The following ATXN2 variants were observed in gnomAD, a reference collection of about 807,000 sequenced individuals.
ATXN2 encodes ataxin-2.
A neutral mutation model predicts 138.6 loss-of-function variants in ATXN2; 37 were observed. That is an observed-to-expected ratio of 0.27 (90% confidence interval 0.21 to 0.35). The LOEUF (loss-of-function observed/expected upper bound fraction) is 0.35, where lower values mean the gene tolerates loss of function less well. Among genes scored for constraint, ATXN2 ranks in the 10% least tolerant of loss-of-function variants. The probability of loss-of-function intolerance (pLI) is 1.00; values close to 1 mark genes in which losing one functional copy is unlikely to be tolerated. For synonymous variants in ATXN2, 549 were observed against 543.7 expected, an observed-to-expected ratio of 1.01 and a Z score of -0.13; for missense variants, 1,216 against 1,480.3, an observed-to-expected ratio of 0.82 and a Z score of 2.93.
chr12:111,479,408 A>G (rs1877053996), intron 18 of ATXN2, among the ~76,000 whole-genome samples: 2 of 150,640 alleles, frequency 1.3e-5, no homozygotes, highest in African/African-American at 4.9e-5. Context: ...AAAAAAAAAA[A>G]AAAAAAAAGA....
In ATXN2 at chr12:111,483,907, C is replaced by A. The variant is rs577628237; in HGVS notation, c.2524+1358G>T. Among the ~76,000 whole-genome samples, 14 of 152,200 alleles carry A rather than the reference C, an allele frequency of 9.2e-5. No individual in the cohort carries two copies. The East Asian group carries it at 2.7e-3, about 29-fold the overall frequency. ...AATTGATCCTCCCACCTCAGTCTCC[C>A]AAGTAGCTAGGACTACAGGAGCACA... On this transcript the variant is annotated intron_variant, in intron 18 of 24. Transcript: ENST00000673436.
At chr12:111,485,662 C>A in intron 17 of ATXN2, 51 bp downstream of exon 17, 1 of 1,599,860 alleles carries the variant, frequency 6.3e-7, no homozygotes, top group South Asian at 1.1e-5. Flanking sequence ...TGCTTGGTGT[C>A]AGATACAAAC....
At chr12:111,462,278 T>C (rs953935878) in intron 21 of ATXN2, among the ~76,000 whole-genome samples, 4 of 152,196 alleles carry the variant, frequency 2.6e-5, no homozygotes, top group Admixed American at 2.6e-4. Flanking sequence ...ATTCTAAACA[T>C]ATGATCAGTC....
In ATXN2 at chr12:111,598,154, G is replaced by C; in HGVS notation, c.251+630C>G. The C allele has an allele frequency of 1.8e-6, 2 of 1,105,466 alleles. No homozygotes were observed. The highest frequency in any genetic ancestry group is 2.2e-6 in the Non-Finnish European group (2 of 896,748). The allele number at this position is 1,105,466 out of a possible 1,614,324, so 68.5% of individuals were successfully genotyped here. A position where few individuals can be genotyped will look rare whatever the true frequency, so the allele number is the denominator to read the frequency against. ...CGCCGCCTCGGACACGAACGCAGAG[G>C]GGTGCGGGGGCCAAGGCCCACTTGT... On this transcript the variant is annotated intron_variant, in intron 1 of 24. Coordinates refer to ENST00000673436, the MANE Select transcript of ATXN2 (RefSeq NM_001372574.1). This position sits in a 1 kb window ranked among gnomAD's most constrained non-coding sequence, Gnocchi z 4.5.
chr12:111,489,664 G>A (rs1263402013), intron 14 of ATXN2, among the ~76,000 whole-genome samples: 1 of 150,824 alleles, frequency 6.6e-6, no homozygotes, highest in Non-Finnish European at 1.5e-5. Context: ...GCTCATCACT[G>A]TAATTCCAGC....
At position 111,552,540 on chromosome 12, in the gene ATXN2, T is replaced by C. The variant is rs140102631; in HGVS notation, c.421-110A>G. On this transcript the variant is annotated intron_variant, in intron 4 of 24. Coordinates refer to ENST00000673436, the MANE Select transcript of ATXN2 (RefSeq NM_001372574.1). The surrounding 1 kb of genome is among the most constrained non-coding windows in gnomAD (Gnocchi z 4.1). ...TCTTATATGCCTTTGACAAAAATAA[T>C]CTCAAGAGAATCATACCCTTTTTCC... 792 of 1,109,958 alleles carry C rather than the reference T, an allele frequency of 7.1e-4. 3 individuals are homozygous for C. In the African/African-American group the frequency reaches 9.7e-3, roughly 14 times the overall value. The allele number at this position is 1,109,958 out of a possible 1,614,324, so 68.8% of individuals were successfully genotyped here.
At chr12:111,499,771 G>A (rs1037210100) in intron 14 of ATXN2, among the ~76,000 whole-genome samples, 3 of 151,412 alleles carry the variant, frequency 2.0e-5, no homozygotes, top group Admixed American at 2.0e-4. Context: ...AAGGTGGGAG[G>A]ATTGCTTGAG....
chr12:111,507,761 T>C (rs1879252720), intron 14 of ATXN2, among the ~76,000 whole-genome samples: 1 of 152,258 alleles, frequency 6.6e-6, no homozygotes, highest in South Asian at 2.1e-4. Flanking sequence ...GGATGGTTGC[T>C]GCGTCTGTGG....
At chr12:111,513,671 A>T in intron 10 of ATXN2, 132 bp from the exon 11 acceptor site, 2 of 723,706 alleles carry the variant, frequency 2.8e-6, no homozygotes, top group Non-Finnish European at 3.9e-6. Context: ...GGTTAAAAAT[A>T]GAAAAAAAAA....
At chr12:111,486,639 A>G in intron 16 of ATXN2, 122 bp downstream of exon 16, 1 of 728,500 alleles carries the variant, frequency 1.4e-6, no homozygotes. Flanking sequence ...TGTAAAAAAA[A>G]GAAAGAAGGT....
intron 1 of ATXN2, among the ~76,000 whole-genome samples, chr12:111,568,121 C>T (rs1328895346): frequency 6.6e-6 from 1 of 151,776 alleles, no homozygotes; most frequent in African/African-American, 2.4e-5. Flanking sequence ...ATTAGCCGGG[C>T]GTGGTGGCAC....
At chr12:111,543,584 C>G (rs1412067711) in intron 5 of ATXN2, among the ~76,000 whole-genome samples, 1 of 152,096 alleles carries the variant, frequency 6.6e-6, no homozygotes, top group Non-Finnish European at 1.5e-5. Flanking sequence ...GAGGCGCACA[C>G]CAGCACACCA....
chr12:111,453,340 CT>C lies in ATXN2; in HGVS notation c.3439+336del. 1 of 1,093,462 alleles carries C rather than the reference CT, an allele frequency of 9.1e-7. No homozygotes were observed. Among genetic ancestry groups the C allele is most frequent in the East Asian group, 6.2e-5 (1 of 16,070 alleles). The allele number at this position is 1,093,462 out of a possible 1,614,324, so 67.7% of individuals were successfully genotyped here. A position where few individuals can be genotyped will look rare whatever the true frequency, so the allele number is the denominator to read the frequency against. On this transcript the variant is annotated intron_variant, in intron 24 of 24. Coordinates refer to ENST00000673436, the MANE Select transcript of ATXN2 (RefSeq NM_001372574.1). This position sits in a 1 kb window ranked among gnomAD's most constrained non-coding sequence, Gnocchi z 5.4. ...TGGTAATAACCCCCCACATGTCAGACTTTTGGGACTCAGGAAGGAAAACACT... is the reference window on the plus strand; with the variant it reads ...TGGTAATAACCCCCCACATGTCAGACTTTGGGACTCAGGAAGGAAAACACT...
intron 1 of ATXN2, among the ~76,000 whole-genome samples, chr12:111,572,731 C>A (rs1883399856): frequency 6.6e-6 from 1 of 152,126 alleles, no homozygotes. Context: ...ATATTCCTTC[C>A]CTCTGGAAGA....
At chr12:111,485,996 C>G in intron 16 of ATXN2, 131 bp from the exon 17 acceptor site, 1 of 746,982 alleles carries the variant, frequency 1.3e-6, no homozygotes, top group Non-Finnish European at 1.9e-6. Flanking sequence ...AAAACAAAAA[C>G]ACAGCACATA....
chr12:111,495,620 G>C lies in ATXN2; in HGVS notation c.1936-6840C>G, dbSNP rs530595608. Among the ~76,000 whole-genome samples, 5 of 152,210 alleles carry C rather than the reference G, an allele frequency of 3.3e-5. No individual in the cohort carries two copies. In the East Asian group the frequency reaches 7.7e-4, roughly 23 times the overall value. On this transcript the variant is annotated intron_variant, in intron 14 of 24. Coordinates refer to ENST00000673436, the MANE Select transcript of ATXN2 (RefSeq NM_001372574.1). ...GCAAACATTATTAGAGCAAAAAAGA[G>C]AAACAGACCTCAGTAACAGTCGGAA...
chr12:111,453,569 G>A lies in ATXN2; in HGVS notation c.3439+108C>T. ...CTGTGCACACTCCTGGACGGGTCTT[G>A]CTAGTTCTCAAATGCGGGGCTTGAA... On this transcript the variant is annotated intron_variant, in intron 24 of 24. Coordinates refer to ENST00000673436, the MANE Select transcript of ATXN2 (RefSeq NM_001372574.1). The surrounding 1 kb of genome is among the most constrained non-coding windows in gnomAD (Gnocchi z 5.4). 2.8e-6 allele frequency: 4 copies of A among 1,449,658 alleles called. No homozygotes were observed. Among genetic ancestry groups the A allele is most frequent in the South Asian group, 1.5e-5 (1 of 68,368 alleles). 89.8% of individuals were successfully genotyped at this position (1,449,658 alleles called of 1,614,324 possible).
At chr12:111,571,947 G>A (rs1566071811) in intron 1 of ATXN2, among the ~76,000 whole-genome samples, 1 of 150,576 alleles carries the variant, frequency 6.6e-6, no homozygotes, top group African/African-American at 2.5e-5. Context: ...AGGAGGCAGA[G>A]GTTGCAGTGA....
At chr12:111,515,967 C>CT (rs1879833362) in intron 10 of ATXN2, among the ~76,000 whole-genome samples, 187 bp downstream of exon 10, 1 of 152,100 alleles carries the variant, frequency 6.6e-6, no homozygotes, top group South Asian at 2.1e-4. Context: ...GAGTTTATAG[C>CT]TTCACACATT....
Sources: gnomAD v4.1 joint callset for allele counts (sites outside exome capture counted in the v4.1 genomes callset) on GRCh38, gnomAD v4.1.1 for gene constraint, Gnocchi (gnomAD v3.1) non-coding constraint, MANE v1.5 for transcripts, NCBI Gene and HGNC (gene_info 2026-07-23, HGNC 2026-07-21) for gene names.